Variants in GRAMD1C observed in about 807,000 individuals in gnomAD.
GRAMD1C encodes protein Aster-C.
GRAMD1C carries 89 observed loss-of-function variants against 97.8 expected under a neutral mutation model. The observed-to-expected ratio is 0.91, with a 90% CI of 0.77 to 1.09. The LOEUF (loss-of-function observed/expected upper bound fraction) is 1.09, where lower values mean the gene tolerates loss of function less well. Ranked by LOEUF, GRAMD1C falls within the 50% of genes least tolerant of loss-of-function variation. The probability of loss-of-function intolerance (pLI) is 0.00; values close to 1 mark genes in which losing one functional copy is unlikely to be tolerated. For synonymous variants in GRAMD1C, 256 were observed against 267.0 expected (o/e 0.96, Z 0.40); for missense variants, 740 against 766.4 (o/e 0.97, Z 0.41).
At chr3:113,893,079 G>A (rs1343342953) in intron 6 of GRAMD1C, among the ~76,000 whole-genome samples, 1 of 152,046 alleles carries the variant, frequency 6.6e-6, no homozygotes, top group Non-Finnish European at 1.5e-5. Flanking sequence ...TTCTATGGCT[G>A]CCTTTCACAC....
chr3:113,923,427 T>C (rs972935163), intron 10 of GRAMD1C, among the ~76,000 whole-genome samples: 7 of 152,162 alleles, frequency 4.6e-5, no homozygotes, highest in African/African-American at 1.7e-4. Context: ...CTCTTATTAT[T>C]TTGAGGTATG....
chr3:113,855,711 A>G (rs528567609), intron 2 of GRAMD1C, among the ~76,000 whole-genome samples: 1 of 152,002 alleles, frequency 6.6e-6, no homozygotes, highest in African/African-American at 2.4e-5. Context: ...CTCAGAAAAA[A>G]AAAAAAGAAA....
At chr3:113,920,134 A>G (rs1327304008) in intron 10 of GRAMD1C, 2 of 1,406,792 alleles carry the variant, frequency 1.4e-6, no homozygotes, top group Non-Finnish European at 2.0e-6. Flanking sequence ...GGAAACAGAG[A>G]AAAAACTTTC....
chr3:113,870,915 G>A (rs893646236), intron 3 of GRAMD1C, among the ~76,000 whole-genome samples: 3 of 149,032 alleles, frequency 2.0e-5, no homozygotes, highest in South Asian at 2.1e-4. Flanking sequence ...CCAGGAGTTC[G>A]AGACCAGCCT....
At chr3:113,907,475 C>T (rs1936411195) in intron 8 of GRAMD1C, among the ~76,000 whole-genome samples, 1 of 152,052 alleles carries the variant, frequency 6.6e-6, no homozygotes. Context: ...TAGATGTTTT[C>T]AGGTTATAGA....
intron 3 of GRAMD1C, among the ~76,000 whole-genome samples, chr3:113,870,999 A>G (rs916740735): frequency 4.5e-5 from 4 of 89,148 alleles, no homozygotes; most frequent in Middle Eastern, 9.1e-3. Flanking sequence ...ACACACACAC[A>G]CACACACACA....
chr3:113,859,420 G>A (rs1243096433), intron 2 of GRAMD1C, among the ~76,000 whole-genome samples: 1 of 152,024 alleles, frequency 6.6e-6, no homozygotes, highest in Admixed American at 6.6e-5. Flanking sequence ...TTGATTTCTA[G>A]TTTGATTTCA....
intron 6 of GRAMD1C, among the ~76,000 whole-genome samples, chr3:113,888,859 A>G (rs550509138): frequency 6.6e-6 from 1 of 152,358 alleles, no homozygotes; most frequent in Admixed American, 6.5e-5. Context: ...TATTCATAAT[A>G]GCCAAAAAGT....
In GRAMD1C at chr3:113,945,584, T is replaced by G. The variant is rs901402653; in HGVS notation, c.*106T>G. 2.1e-5 allele frequency: 14 copies of G among 658,972 alleles called. No individual in the cohort carries two copies. Among genetic ancestry groups the G allele is most frequent in the African/African-American group, 2.0e-4 (11 of 53,958 alleles). The allele number at this position is 658,972 out of a possible 1,614,324, so 40.8% of individuals were successfully genotyped here. A position where few individuals can be genotyped will look rare whatever the true frequency, so the allele number is the denominator to read the frequency against. ...TGGCATAGAACATTTCTATGTTTTTTCATTATTGAGATTTCTAATATGAAC... is the reference window on the plus strand; with the variant it reads ...TGGCATAGAACATTTCTATGTTTTTGCATTATTGAGATTTCTAATATGAAC... On this transcript the variant is annotated 3_prime_UTR_variant, in exon 18 of 18. Coordinates refer to ENST00000358160, the MANE Select transcript of GRAMD1C (RefSeq NM_017577.5).
At chr3:113,882,728 T>A (rs2107400842) in intron 5 of GRAMD1C, 24 bp from the exon 6 acceptor site, 1 of 1,337,244 alleles carries the variant, frequency 7.5e-7, no homozygotes, top group Non-Finnish European at 1.1e-6. Flanking sequence ...GACACTAAAA[T>A]TCTCCTATTA....
rs1936462330 is a variant in GRAMD1C at position 113,908,893 on chromosome 3, G to A, written c.790-65G>A. On this transcript the variant is annotated intron_variant, in intron 8 of 17. Transcript: ENST00000358160. ...ATTTCAAAGTATCTTTAATATTAAAGTTCTCACTGCAAAATCTAAGCTAAA... is the reference window on the plus strand; with the variant it reads ...ATTTCAAAGTATCTTTAATATTAAAATTCTCACTGCAAAATCTAAGCTAAA... 16 of 882,742 alleles carry A rather than the reference G, an allele frequency of 1.8e-5. No homozygotes were observed. In the South Asian group the frequency reaches 2.5e-4, roughly 14 times the overall value. The allele number at this position is 882,742 out of a possible 1,614,324, so 54.7% of individuals were successfully genotyped here.
intron 6 of GRAMD1C, among the ~76,000 whole-genome samples, chr3:113,900,648 G>A (rs113822764): frequency 6.6e-6 from 1 of 150,544 alleles, no homozygotes. Context: ...GGATGGTCTC[G>A]ATCTCTTGAC....
At chr3:113,862,367 A>G (rs1934411469) in intron 2 of GRAMD1C, among the ~76,000 whole-genome samples, 1 of 152,168 alleles carries the variant, frequency 6.6e-6, no homozygotes, top group South Asian at 2.1e-4. Context: ...TTTCTCAGGG[A>G]TGTTCCTTGC....
At chr3:113,943,611 G>T (rs1308221906) in intron 17 of GRAMD1C, among the ~76,000 whole-genome samples, 3 of 152,196 alleles carry the variant, frequency 2.0e-5, no homozygotes, top group African/African-American at 7.2e-5. Context: ...ACTAATTTTT[G>T]CTAGTTAAAA....
chr3:113,912,957 T>C lies in GRAMD1C; in HGVS notation c.953-2744T>C, dbSNP rs1007268015. 9 of 254,550 alleles carry C rather than the reference T, an allele frequency of 3.5e-5. No individual in the cohort carries two copies. The Admixed American group carries it at 4.5e-4, about 13-fold the overall frequency. 15.8% of individuals were successfully genotyped at this position (254,550 alleles called of 1,614,324 possible). On this transcript the variant is annotated intron_variant, in intron 9 of 17. Transcript: ENST00000358160. Reference sequence around the variant, plus strand: ...TATTAAGTAGGCATTTTAAGGACTCTTTTTCTTAAAATTGTAAGATCCTTG... The same window carrying C: ...TATTAAGTAGGCATTTTAAGGACTCCTTTTCTTAAAATTGTAAGATCCTTG...
At position 113,844,569 on chromosome 3, in the gene GRAMD1C, C is replaced by T. The variant is rs202089640; in HGVS notation, c.94C>T (p.Pro32Ser). 16 of 1,603,118 alleles carry T rather than the reference C, an allele frequency of 1.0e-5. No homozygotes were observed. The African/African-American group carries it at 1.1e-4, about 11-fold the overall frequency. ...GGAAGATGTAGAGGAAAATCCTAGT[C>T]CAACTGTGGAAGAGAATAATGTGGT... ...LQEDVEENPS[P>S]TVEENNVVVK... The change falls in exon 2 of 18, where the codon CCA becomes TCA. Residue 32 changes from proline to serine, a missense_variant. Coordinates refer to ENST00000358160, the MANE Select transcript of GRAMD1C (RefSeq NM_017577.5).
chr3:113,940,415 T>G, intron 17 of GRAMD1C, 70 bp downstream of exon 17: 5 of 869,454 alleles, frequency 5.8e-6, no homozygotes, highest in Non-Finnish European at 9.6e-6. Context: ...CTTCTGTGTA[T>G]GAGAGAATAT....
At chr3:113,938,721 G>C (rs1015617341) in intron 15 of GRAMD1C, 4 of 152,042 alleles carry the variant, frequency 2.6e-5, no homozygotes, top group African/African-American at 7.2e-5. Context: ...TGAATCCCAG[G>C]GTATTCTATA....
At chr3:113,840,089 C>A (rs1709742819) in intron 1 of GRAMD1C, among the ~76,000 whole-genome samples, 2 of 152,132 alleles carry the variant, frequency 1.3e-5, no homozygotes, top group Non-Finnish European at 2.9e-5. Context: ...GCCTCAGACT[C>A]CCCAGTAGCT....
Sources: gnomAD v4.1 joint callset for allele counts (sites outside exome capture counted in the v4.1 genomes callset) on GRCh38, gnomAD v4.1.1 for gene constraint, MANE v1.5 for transcripts, NCBI Gene and HGNC (gene_info 2026-07-23, HGNC 2026-07-21) for gene names.